Variants in MITD1 observed in about 807,000 individuals in gnomAD.
The protein encoded by MITD1 is microtubule interacting and trafficking domain containing 1, also known as MIT domain-containing protein 1.
Under a neutral mutation model 34.9 loss-of-function variants are expected in MITD1, and 24 were observed. The ratio of observed to expected loss-of-function variants is 0.69; its 90% CI spans 0.50 to 0.97. The LOEUF (loss-of-function observed/expected upper bound fraction) is 0.97. Ranked by LOEUF, MITD1 falls within the 50% of genes least tolerant of loss-of-function variation. The pLI, the probability that MITD1 is intolerant of heterozygous loss-of-function variation, is 0.00. For synonymous variants in MITD1, 102 were observed against 101.4 expected (o/e 1.01, Z -0.04); for missense variants, 266 against 294.6 (o/e 0.90, Z 0.71).
intron 7 of MITD1, chr2:99,162,744 G>A: frequency 6.2e-7 from 1 of 1,614,098 alleles, no homozygotes; most frequent in East Asian, 2.2e-5. Flanking sequence ...AAATAGCAAA[G>A]CCAAAGAACT....
Position 99,171,431 on chromosome 2 carries a change from T to C in MITD1, c.391-2A>G. On this transcript the variant is annotated splice_acceptor_variant, in intron 3 of 6. Transcript: ENST00000289359. LOFTEE classifies it high-confidence loss of function. The stretch of plus-strand genomic sequence containing the variant: ...ACAAAATCGAAGAAAGTTATACAGC[T>C]AAAAGACATTAGAATGGATTATTAC... The C allele has an allele frequency of 6.2e-7, 1 of 1,608,052 alleles. No individual in the cohort carries two copies. Among genetic ancestry groups the C allele is most frequent in the Non-Finnish European group, 8.5e-7 (1 of 1,174,910 alleles).
chr2:99,173,851 A>C, intron 2 of MITD1, 64 bp downstream of exon 2: 3 of 1,039,262 alleles, frequency 2.9e-6, no homozygotes, highest in Non-Finnish European at 4.5e-6. Context: ...CAGGAGCCAG[A>C]AACATTGGGT....
intron 1 of MITD1, 185 bp downstream of exon 1, chr2:99,180,646 T>G: frequency 1.7e-6 from 1 of 590,062 alleles, no homozygotes; most frequent in Admixed American, 2.9e-5. Flanking sequence ...CTTTTCTAGG[T>G]AACATCAATC....
chr2:99,173,187 G>T, intron 2 of MITD1: 1 of 196,990 alleles, frequency 5.1e-6, no homozygotes, highest in Non-Finnish European at 1.1e-5. Flanking sequence ...GGGTCCCCAG[G>T]GTATGTACTG....
chr2:99,177,454 T>C (rs974558141), intron 1 of MITD1, among the ~76,000 whole-genome samples: 1 of 152,186 alleles, frequency 6.6e-6, no homozygotes, highest in Non-Finnish European at 1.5e-5. Flanking sequence ...TTATACATAT[T>C]AATGGGGTAC....
At chr2:99,164,608 G>C (rs1195299939), downstream of MITD1, among the ~76,000 whole-genome samples, 1 of 152,148 alleles carries the variant, frequency 6.6e-6, no homozygotes, top group East Asian at 1.9e-4. Flanking sequence ...ATCTCAGACT[G>C]GGGGTAGGGT....
chr2:99,161,679 A>G (rs1203818760), downstream of MITD1: 6 of 241,660 alleles, frequency 2.5e-5, no homozygotes, highest in Non-Finnish European at 4.4e-5. Context: ...CTGTAAGAGA[A>G]AAAAAAAAGA....
intron 2 of MITD1, chr2:99,172,151 G>T (rs2093861863): frequency 2.6e-5 from 4 of 152,896 alleles, no homozygotes; most frequent in Admixed American, 2.6e-4. Flanking sequence ...ATTTTGGGAG[G>T]CCAAGGTAGG....
intron 5 of MITD1, among the ~76,000 whole-genome samples, chr2:99,170,135 C>T (rs1248987446): frequency 6.6e-6 from 1 of 152,158 alleles, no homozygotes; most frequent in Non-Finnish European, 1.5e-5. Context: ...ATAGACTCAG[C>T]AAATTGTCAT....
chr2:99,166,370 A>G (rs1406908099), downstream of MITD1, among the ~76,000 whole-genome samples: 1 of 151,756 alleles, frequency 6.6e-6, no homozygotes, highest in Non-Finnish European at 1.5e-5. Context: ...AAAAGTGCCC[A>G]TTGAATATGG....
At chr2:99,175,448 A>G (rs2105224992) in intron 1 of MITD1, among the ~76,000 whole-genome samples, 1 of 152,324 alleles carries the variant, frequency 6.6e-6, no homozygotes, top group Middle Eastern at 3.4e-3. Context: ...GACTTGGTTT[A>G]TGCATTTTTG....
In MITD1 at chr2:99,169,309, G is replaced by A; in HGVS notation, c.*66C>T. On this transcript the variant is annotated 3_prime_UTR_variant, in exon 7 of 7. Coordinates refer to ENST00000289359, the MANE Select transcript of MITD1 (RefSeq NM_138798.3). ...ATTGTTAAATTCATACATTATAAAA[G>A]TGATCTTTTAAAAAAAATCCAATAT... is the stretch of plus-strand genomic sequence containing the variant. 2 of 751,892 alleles carry A rather than the reference G, an allele frequency of 2.7e-6. No homozygotes were observed. Among genetic ancestry groups the A allele is most frequent in the Non-Finnish European group, 4.4e-6 (2 of 451,874 alleles). 46.6% of individuals were successfully genotyped at this position (751,892 alleles called of 1,614,324 possible).
chr2:99,161,678 A>G (rs1427670567), downstream of MITD1: 3 of 200,746 alleles, frequency 1.5e-5, no homozygotes, highest in Non-Finnish European at 1.8e-5. Flanking sequence ...TCTGTAAGAG[A>G]AAAAAAAAAG....
chr2:99,165,896 G>A (rs1476648728), downstream of MITD1, among the ~76,000 whole-genome samples: 1 of 152,166 alleles, frequency 6.6e-6, no homozygotes, highest in Non-Finnish European at 1.5e-5. Context: ...GAATTTCTGG[G>A]GTAATGAAGG....
chr2:99,180,720 C>A, intron 1 of MITD1, 111 bp downstream of exon 1: 3 of 921,844 alleles, frequency 3.3e-6, no homozygotes, highest in Non-Finnish European at 5.2e-6. Flanking sequence ...CTGTATTTAA[C>A]TGCTTCTTCG....
chr2:99,168,316 T>C (rs1407207763), downstream of MITD1, among the ~76,000 whole-genome samples: 1 of 152,194 alleles, frequency 6.6e-6, no homozygotes, highest in African/African-American at 2.4e-5. Context: ...TAATTTTGTA[T>C]TTTTAATAAA....
chr2:99,173,892 A>G (rs764613889), intron 2 of MITD1, 23 bp downstream of exon 2: 4 of 1,455,906 alleles, frequency 2.7e-6, no homozygotes, highest in Non-Finnish European at 3.9e-6. Context: ...TTATGGATGC[A>G]TTTTCTAAAA....
intron 7 of MITD1, chr2:99,163,273 T>C (rs1229654019): frequency 2.6e-6 from 1 of 383,416 alleles, no homozygotes; most frequent in African/African-American, 2.1e-5. Flanking sequence ...GTGTATTTCT[T>C]CTGACCTCTA....
intron 2 of MITD1, 113 bp from the exon 3 acceptor site, chr2:99,171,759 A>G (rs2093859665): frequency 1.0e-6 from 1 of 978,260 alleles, no homozygotes; most frequent in Admixed American, 2.5e-5. Context: ...TTTTTAACTT[A>G]TTCAGCAAAT....
Sources: allele counts gnomAD v4.1 joint callset (sites outside exome capture counted in the v4.1 genomes callset), GRCh38; gene constraint gnomAD v4.1.1; transcripts MANE v1.5; gene names NCBI Gene and HGNC (gene_info 2026-07-23, HGNC 2026-07-21).